The following SOX5 variants were observed in gnomAD, a reference collection of about 807,000 sequenced individuals.
SOX5 encodes the protein SRY-box transcription factor 5.
A neutral mutation model predicts 92.0 loss-of-function variants in SOX5; 9 were observed. The ratio of observed to expected loss-of-function variants is 0.10; its 90% confidence interval spans 0.06 to 0.17. The LOEUF (loss-of-function observed/expected upper bound fraction) is 0.17. Ranked by LOEUF, SOX5 falls within the 10% of genes least tolerant of loss-of-function variation. The probability of loss-of-function intolerance (pLI) is 1.00; values close to 1 mark genes in which losing one functional copy is unlikely to be tolerated. For synonymous variants in SOX5, 344 were observed against 336.3 expected (o/e 1.02, Z -0.25); for missense variants, 642 against 944.5 (o/e 0.68, Z 4.20).
chr12:23,870,938 T>C (rs972404527), intron 2 of SOX5, among the ~76,000 whole-genome samples: 5 of 152,278 alleles, frequency 3.3e-5, no homozygotes, highest in Admixed American at 6.5e-5. Context: ...TTTATAATTA[T>C]AGGGATCATA....
At chr12:23,541,050 T>A (rs1458533446) in intron 13 of SOX5, among the ~76,000 whole-genome samples, 1 of 152,218 alleles carries the variant, frequency 6.6e-6, no homozygotes, top group South Asian at 2.1e-4. Context: ...TGTTATATCT[T>A]TAAAGAATAC....
chr12:23,576,563 A>T (rs1437060253), intron 9 of SOX5, among the ~76,000 whole-genome samples: 1 of 152,138 alleles, frequency 6.6e-6, no homozygotes, highest in Non-Finnish European at 1.5e-5. Flanking sequence ...TTTCTCTTAT[A>T]CTATATGTGT....
At chr12:24,235,081 T>A (rs1594632550) in intron 3 of SOX5, among the ~76,000 whole-genome samples, 4 of 152,230 alleles carry the variant, frequency 2.6e-5, no homozygotes, top group Admixed American at 2.6e-4. Context: ...TTTGTTTTGC[T>A]TTTTAAAATC....
intron 1 of SOX5, among the ~76,000 whole-genome samples, chr12:24,429,619 C>CACACAT (rs1937864847): frequency 1.3e-5 from 2 of 149,104 alleles, no homozygotes; most frequent in African/African-American, 5.1e-5. Flanking sequence ...CATACACACA[C>CACACAT]ACACATACAC....
chr12:24,032,289 C>T (rs1276507939), intron 4 of SOX5, among the ~76,000 whole-genome samples: 1 of 151,668 alleles, frequency 6.6e-6, no homozygotes, highest in African/African-American at 2.4e-5. Context: ...GGTATCATTA[C>T]AAATATGAGG....
At chr12:23,710,691 C>T (rs2091963333) in intron 6 of SOX5, among the ~76,000 whole-genome samples, 1 of 152,198 alleles carries the variant, frequency 6.6e-6, no homozygotes, top group South Asian at 2.1e-4. Flanking sequence ...AATAGTGCCA[C>T]AATAAACAAA....
In SOX5 at chr12:23,533,212, C is replaced by T. The variant is rs1385027075; in HGVS notation, c.*1007G>A. On this transcript the variant is annotated 3_prime_UTR_variant, in exon 15 of 15. Coordinates refer to ENST00000451604, the MANE Select transcript of SOX5 (RefSeq NM_006940.6). ...GATGTGGGTTTAACTCACAATGGTC[C>T]AACGTTATTCCTATTATTAGTACCA... 2.2e-6 allele frequency: 1 copy of T among 455,854 alleles called. No individual in the cohort carries two copies. The highest frequency in any genetic ancestry group is 1.6e-5 in the South Asian group (1 of 64,472). The allele number at this position is 455,854 out of a possible 1,614,324, so 28.2% of individuals were successfully genotyped here. A position where few individuals can be genotyped will look rare whatever the true frequency, so the allele number is the denominator to read the frequency against.
intron 6 of SOX5, among the ~76,000 whole-genome samples, chr12:23,732,562 T>C (rs2093431525): frequency 6.6e-6 from 1 of 152,322 alleles, no homozygotes; most frequent in South Asian, 2.1e-4. Context: ...TTCATTTATC[T>C]GCACTAACTC....
chr12:23,947,549 AC>A (rs1944795333), intron 1 of SOX5, among the ~76,000 whole-genome samples: 1 of 151,964 alleles, frequency 6.6e-6, no homozygotes, highest in Non-Finnish European at 1.5e-5. Context: ...AATTACAACC[AC>A]AGGGGAAATT....
chr12:23,622,281 G>A (rs1471661973), intron 8 of SOX5, among the ~76,000 whole-genome samples: 1 of 150,620 alleles, frequency 6.6e-6, no homozygotes, highest in Non-Finnish European at 1.5e-5. Context: ...GACTGCAAAT[G>A]ATAAAGCTCT....
chr12:24,546,091 T>G (rs1288400953), intron 1 of SOX5, among the ~76,000 whole-genome samples: 2 of 152,194 alleles, frequency 1.3e-5, no homozygotes, highest in African/African-American at 4.8e-5. Flanking sequence ...TCGTTTAACC[T>G]GGACCTTGCT....
intron 9 of SOX5, among the ~76,000 whole-genome samples, chr12:23,602,383 C>A (rs2074619059): frequency 6.6e-6 from 1 of 152,088 alleles, no homozygotes; most frequent in African/African-American, 2.4e-5. Flanking sequence ...TAAATAAAAT[C>A]ATTGTAGCGA....
rs1939796433 is a variant in SOX5, at chr12:24,250,443, G to C, written c.-77+26773C>G. Among the ~76,000 whole-genome samples the C allele has an allele frequency of 2.0e-5, 3 of 152,138 alleles. No individual in the cohort carries two copies. In the South Asian group the frequency reaches 6.2e-4, roughly 32 times the overall value. On this transcript the variant is annotated intron_variant, in intron 3 of 4. Transcript: ENST00000446891. ...GAGACGCAGCCTAAACAAGTCAAAAGGTTGGTGTTCCATTAATACCAGCAG... is the reference window on the plus strand; with the variant it reads ...GAGACGCAGCCTAAACAAGTCAAAACGTTGGTGTTCCATTAATACCAGCAG...
intron 4 of SOX5, among the ~76,000 whole-genome samples, chr12:24,207,923 A>C (rs1331986991): frequency 4.6e-5 from 7 of 152,232 alleles, no homozygotes; most frequent in Admixed American, 3.3e-4. Flanking sequence ...GGTAACTCAA[A>C]TATAAAGACT....
At chr12:23,588,040 T>C (rs1349143714) in intron 9 of SOX5, among the ~76,000 whole-genome samples, 1 of 152,104 alleles carries the variant, frequency 6.6e-6, no homozygotes, top group African/African-American at 2.4e-5. Flanking sequence ...TTCATGGCAG[T>C]GACCAGGAGA....
At chr12:23,565,150 T>G (rs1201335660) in intron 10 of SOX5, among the ~76,000 whole-genome samples, 1 of 152,244 alleles carries the variant, frequency 6.6e-6, no homozygotes, top group Non-Finnish European at 1.5e-5. Flanking sequence ...CAATAGTGAA[T>G]TGAAAACAAC....
Position 23,682,608 on chromosome 12 carries a change from A to G in SOX5, c.811-17044T>C, listed in dbSNP as rs1257647163. Among the ~76,000 whole-genome samples the G allele has an allele frequency of 3.3e-5, 5 of 151,822 alleles. No individual in the cohort carries two copies. In the East Asian group the frequency reaches 9.6e-4, roughly 29 times the overall value. ...ATTGCACTATTGGGAAAAACAATCA[A>G]GAATAAATTTGAAGCCACTATGTTT... On this transcript the variant is annotated intron_variant, in intron 6 of 14. Transcript: ENST00000451604.
At chr12:24,283,216 A>G (rs923295703) in intron 2 of SOX5, among the ~76,000 whole-genome samples, 3 of 152,350 alleles carry the variant, frequency 2.0e-5, no homozygotes, top group Non-Finnish European at 4.4e-5. Context: ...ATAAATATAT[A>G]AAGTATTCTT....
chr12:24,386,810 T>C (rs1958462244), intron 1 of SOX5, among the ~76,000 whole-genome samples: 1 of 152,200 alleles, frequency 6.6e-6, no homozygotes, highest in African/African-American at 2.4e-5. Flanking sequence ...TAAAAAATAT[T>C]GAGGCAGGAG....
Sources: gnomAD v4.1 joint callset for allele counts (sites outside exome capture counted in the v4.1 genomes callset) on GRCh38, gnomAD v4.1.1 for gene constraint, MANE v1.5 for transcripts, NCBI Gene and HGNC (gene_info 2026-07-23, HGNC 2026-07-21) for gene names.